SLC2A3: variants seen among roughly 807,000 people sequenced by gnomAD.
SLC2A3 encodes solute carrier family 2 member 3, also known as solute carrier family 2, facilitated glucose transporter member 3.
SLC2A3 carries 21 observed loss-of-function variants against 46.4 expected under a neutral mutation model. That is an observed-to-expected ratio of 0.45 (90% CI 0.32 to 0.65). The LOEUF is 0.65. Ranked by LOEUF, SLC2A3 falls within the 30% of genes least tolerant of loss-of-function variation. SLC2A3 has a pLI of 0.04. For synonymous variants in SLC2A3, 213 were observed against 239.4 expected (o/e 0.89, Z 1.02); for missense variants, 499 against 623.3 (o/e 0.80, Z 2.12).
chr12:7,923,418 A>G (rs994321824), intron 8 of SLC2A3: 20 of 172,274 alleles, frequency 1.2e-4, no homozygotes, highest in African/African-American at 4.5e-4. Flanking sequence ...GTTGGAGACC[A>G]GCCTGGCTAA....
At chr12:7,931,156 G>A in intron 4 of SLC2A3, 89 bp downstream of exon 4, 3 of 1,558,542 alleles carry the variant, frequency 1.9e-6, no homozygotes, top group Non-Finnish European at 2.6e-6. Context: ...TTGAACATGT[G>A]CCAGATATTC....
intron 6 of SLC2A3, 39 bp downstream of exon 6, chr12:7,929,645 T>C: frequency 6.2e-7 from 1 of 1,607,778 alleles, no homozygotes; most frequent in Admixed American, 1.7e-5. Flanking sequence ...TTAAGTGAAA[T>C]ACTTTAAGAC....
chr12:7,931,423 C>G lies in SLC2A3; in HGVS notation c.332G>C (p.Cys111Ser), dbSNP rs1434207772. Residue 111 changes from cysteine to serine, a missense_variant, in exon 4 of 10, where the codon TGT becomes TCT. Physicochemically the swap from Cys to Ser is moderately radical, Grantham distance 112. Around this residue, in one of 5 missense-constraint regions of SLC2A3, gnomAD observed 248 missense variants for 284.0 expected, o/e 0.87. Transcript: ENST00000075120. ...CATTTCAACCGACTTAGCTACTTTA[C>G]ACAGTCCCATAAAGCAGCCACCAGT... Reference protein sequence around the residue: ...AVTGGCFMGLCKVAKSVEMLI... With the variant: ...AVTGGCFMGLSKVAKSVEMLI... 1 of 1,614,184 alleles carries G rather than the reference C, an allele frequency of 6.2e-7. No homozygotes were observed. Among genetic ancestry groups the G allele is most frequent in the Non-Finnish European group, 8.5e-7 (1 of 1,180,020 alleles).
intron 2 of SLC2A3, 143 bp downstream of exon 2, chr12:7,933,666 TG>T: frequency 1.2e-6 from 1 of 803,826 alleles, no homozygotes; most frequent in Admixed American, 2.8e-5. Flanking sequence ...TGGACTCAAG[TG>T]ATCTTTAAGC....
chr12:7,926,660 C>T (rs1030155916), intron 6 of SLC2A3, among the ~76,000 whole-genome samples: 1 of 152,054 alleles, frequency 6.6e-6, no homozygotes, highest in Admixed American at 6.6e-5. Flanking sequence ...GCCATCAGGC[C>T]CAGCTAAATG....
rs769243406 is a variant in SLC2A3 at position 7,921,614 on chromosome 12, G to A, written c.1290C>T (p.Tyr430=). 6.2e-6 allele frequency: 10 copies of A among 1,613,694 alleles called. No individual in the cohort carries two copies. The highest frequency in any genetic ancestry group is 1.3e-5 in the African/African-American group (1 of 74,890). The change falls in exon 10 of 10, where the codon TAC becomes TAT. Residue 430 remains tyrosine (Y), a synonymous_variant. Coordinates refer to ENST00000075120, the MANE Select transcript of SLC2A3 (RefSeq NM_006931.3). ...FPSAAHYLGA[Y]VFIIFTGFLI... ...GGAAGCCGGTGAAGATAATAAAAAC[G>A]TAGGCTCCTAAATAGTGCTAGAGAA...
intron 3 of SLC2A3, among the ~76,000 whole-genome samples, chr12:7,932,107 C>T (rs1467631992): frequency 1.3e-5 from 2 of 151,774 alleles, no homozygotes; most frequent in African/African-American, 4.8e-5. Context: ...GTCTCGATCT[C>T]CTGACCTTGT....
chr12:7,930,223 T>C (rs1484327602), intron 5 of SLC2A3: 3 of 505,770 alleles, frequency 5.9e-6, no homozygotes, highest in Admixed American at 3.5e-5. Flanking sequence ...TGACCTCAGG[T>C]GACCCGCCTC....
At chr12:7,925,580 T>G in intron 7 of SLC2A3, 1 of 330,920 alleles carries the variant, frequency 3.0e-6, no homozygotes, top group Middle Eastern at 9.5e-4. Flanking sequence ...TAACAGAGCT[T>G]GAGAGTTTTT....
intron 4 of SLC2A3, 39 bp from the exon 5 acceptor site, chr12:7,930,681 T>G: frequency 6.4e-7 from 1 of 1,573,704 alleles, no homozygotes; most frequent in Non-Finnish European, 8.6e-7. Flanking sequence ...AACCCCATAC[T>G]TCACAGGCCA....
In SLC2A3 at chr12:7,921,324, G is replaced by A; in HGVS notation, c.*89C>T. 5 of 1,593,578 alleles carry A rather than the reference G, an allele frequency of 3.1e-6. No individual in the cohort carries two copies. In the South Asian group the frequency reaches 5.6e-5, roughly 18 times the overall value. ...AGGAATTAAGTAGCAGCATTCAGAAGCGTCCTGGGTTCATCCTGATGAGGT... is the reference window on the plus strand; with the variant it reads ...AGGAATTAAGTAGCAGCATTCAGAAACGTCCTGGGTTCATCCTGATGAGGT... On this transcript the variant is annotated 3_prime_UTR_variant, in exon 10 of 10. Transcript: ENST00000075120.
At chr12:7,922,605 G>C (rs1434349408) in intron 9 of SLC2A3, among the ~76,000 whole-genome samples, 2 of 151,914 alleles carry the variant, frequency 1.3e-5, no homozygotes, top group Non-Finnish European at 2.9e-5. Flanking sequence ...GGAATTACAG[G>C]CATGCACCAC....
At position 7,921,677 on chromosome 12, in the gene SLC2A3, C is replaced by A. The variant is rs144170811; in HGVS notation, c.1273-46G>T. 8.3e-6 allele frequency: 13 copies of A among 1,572,004 alleles called. No individual in the cohort carries two copies. In the African/African-American group the frequency reaches 1.5e-4, roughly 18 times the overall value. On this transcript the variant is annotated intron_variant, in intron 9 of 9. Coordinates refer to ENST00000075120, the MANE Select transcript of SLC2A3 (RefSeq NM_006931.3). ...AGGAAGGTTGATATAAAAATCTGGT[C>A]ATTGACAAAGTCAATTTCCTTCACA...
intron 4 of SLC2A3, among the ~76,000 whole-genome samples, chr12:7,930,911 C>T (rs1200597992): frequency 6.6e-5 from 10 of 151,314 alleles, no homozygotes; most frequent in African/African-American, 2.4e-4. Context: ...ATTCTCCCGC[C>T]TCAGCCTCCG....
intron 3 of SLC2A3, chr12:7,932,689 T>G (rs963665168): frequency 2.3e-5 from 7 of 307,052 alleles, no homozygotes; most frequent in Non-Finnish European, 4.2e-5. Context: ...AAATTAAGTA[T>G]GTTTCTAGAA....
intron 5 of SLC2A3, 56 bp from the exon 6 acceptor site, chr12:7,929,927 T>G: frequency 1.9e-6 from 3 of 1,611,666 alleles, no homozygotes; most frequent in Non-Finnish European, 2.5e-6. Flanking sequence ...CCCAAATTCA[T>G]TCTTCCTGTA....
At chr12:7,933,570 A>G (rs7132628) in intron 2 of SLC2A3, 222,304 of 510,340 alleles carry the variant, frequency 0.44, 50,821 homozygotes, top group Non-Finnish European at 0.49. Flanking sequence ...AGTCTTGGAC[A>G]GGATAGATAC....
chr12:7,930,680 C>G (rs780047022), intron 4 of SLC2A3, 38 bp from the exon 5 acceptor site: 1 of 1,574,148 alleles, frequency 6.4e-7, no homozygotes. Context: ...AAACCCCATA[C>G]TTCACAGGCC....
At chr12:7,931,598 A>C (rs1428119259) in intron 3 of SLC2A3, 113 bp from the exon 4 acceptor site, 5 of 1,429,456 alleles carry the variant, frequency 3.5e-6, no homozygotes, top group Non-Finnish European at 4.7e-6. Context: ...TTTTTTTTTT[A>C]ATCTAACTTT....
Sources: gnomAD v4.1 joint callset for allele counts (sites outside exome capture counted in the v4.1 genomes callset) on GRCh38, gnomAD v4.1.1 for gene constraint, gnomAD v4.1.1 regional missense constraint, MANE v1.5 for transcripts, NCBI Gene and HGNC (gene_info 2026-07-23, HGNC 2026-07-21) for gene names.